The following ADGB variants were observed in gnomAD, a reference collection of about 807,000 sequenced individuals.
ADGB encodes the protein androglobin.
Under a neutral mutation model 210.5 loss-of-function variants are expected in ADGB, and 172 were observed. That is an observed-to-expected ratio of 0.82 (90% confidence interval 0.72 to 0.93). ADGB has a LOEUF of 0.93. ADGB is among the 40% of genes least tolerant of loss of function. The pLI is 0.00. For synonymous variants in ADGB, 658 were observed against 662.7 expected (o/e 0.99, Z 0.11); for missense variants, 2,025 against 1,964.8 (o/e 1.03, Z -0.58).
Position 146,799,234 on chromosome 6 carries a change from G to A in ADGB, c.4538-1949G>A, listed in dbSNP as rs367980093. On this transcript the variant is annotated intron_variant, in intron 33 of 35. Coordinates refer to ENST00000397944, the MANE Select transcript of ADGB (RefSeq NM_024694.4). ...CTAAAATCAGGAGCAAGCCAAAGATGTCCTCTCTTACCACTCTTTTTCAAC... is the reference window on the plus strand; with the variant it reads ...CTAAAATCAGGAGCAAGCCAAAGATATCCTCTCTTACCACTCTTTTTCAAC... 1.1e-3 allele frequency among the ~76,000 whole-genome samples: 172 copies of A among 152,112 alleles called. 1 individual carries two copies. Among genetic ancestry groups the A allele is most frequent in the African/African-American group, 4.0e-3 (165 of 41,480 alleles).
At chr6:146,608,345 T>C (rs1040554455) in intron 1 of ADGB, among the ~76,000 whole-genome samples, 5 of 152,076 alleles carry the variant, frequency 3.3e-5, no homozygotes, top group Non-Finnish European at 5.9e-5. Flanking sequence ...TGTTGATCTC[T>C]TGTATGGTTT....
intron 27 of ADGB, among the ~76,000 whole-genome samples, chr6:146,760,314 A>C (rs1277251184): frequency 6.6e-6 from 1 of 151,852 alleles, no homozygotes; most frequent in Non-Finnish European, 1.5e-5. Context: ...ACAATAGACT[A>C]GCTTTGCCTG....
At chr6:146,634,710 T>A (rs1775377778) in intron 1 of ADGB, among the ~76,000 whole-genome samples, 1 of 152,048 alleles carries the variant, frequency 6.6e-6, no homozygotes, top group Admixed American at 6.6e-5. Context: ...CTCATTAAAA[T>A]CTATCGTAAC....
chr6:146,691,451 TATATATA>T (rs1776318309), intron 11 of ADGB, among the ~76,000 whole-genome samples, 161 bp downstream of exon 11: 3 of 19,958 alleles, frequency 1.5e-4, no homozygotes, highest in African/African-American at 3.0e-4. Flanking sequence ...TAAAAATATA[TATATATA>T]AAAATATATA....
chr6:146,712,507 T>C lies in ADGB; in HGVS notation c.1708-2875T>C, dbSNP rs879694808. On this transcript the variant is annotated intron_variant, in intron 13 of 35. Transcript: ENST00000397944. ...AGGCCCTGGGTTGTTTTTTTTGTTC[T>C]GTTTTGTTTTGTTTTTACATGAATT... Among the ~76,000 whole-genome samples, 130 of 152,112 alleles carry C rather than the reference T, an allele frequency of 8.5e-4. 1 individual carries two copies. The highest frequency in any genetic ancestry group is 1.4e-3 in the Non-Finnish European group (98 of 67,978).
At chr6:146,791,511 T>C (rs945887553) in intron 33 of ADGB, among the ~76,000 whole-genome samples, 4 of 151,950 alleles carry the variant, frequency 2.6e-5, no homozygotes, top group Non-Finnish European at 5.9e-5. Context: ...TTCTGGTGAA[T>C]ATTTTATTTT....
At chr6:146,647,506 T>C (rs1272550899) in intron 3 of ADGB, among the ~76,000 whole-genome samples, 5 of 152,066 alleles carry the variant, frequency 3.3e-5, no homozygotes, top group Non-Finnish European at 7.4e-5. Flanking sequence ...TACATAATTT[T>C]TAGTAACTAC....
intron 33 of ADGB, among the ~76,000 whole-genome samples, chr6:146,798,705 T>C (rs1202671060): frequency 6.6e-6 from 1 of 151,374 alleles, no homozygotes; most frequent in Non-Finnish European, 1.5e-5. Context: ...ATAAGTGAGT[T>C]TGGCAGGGTC....
chr6:146,775,023 T>C (rs544470931), intron 29 of ADGB, among the ~76,000 whole-genome samples: 63 of 152,222 alleles, frequency 4.1e-4, no homozygotes, highest in African/African-American at 1.2e-3. Context: ...TCCACTCATC[T>C]CGGCCTTCCC....
intron 7 of ADGB, among the ~76,000 whole-genome samples, 166 bp downstream of exon 7, chr6:146,667,068 G>T (rs1176699324): frequency 1.3e-5 from 2 of 151,868 alleles, no homozygotes; most frequent in African/African-American, 4.8e-5. Context: ...GAATTTCAGG[G>T]TAAATTCTAT....
Position 146,715,471 on chromosome 6 carries a change from C to T in ADGB, c.1741+56C>T, listed in dbSNP as rs892229764. ...CAATGTACATCAAGATACAGAGGGGCATCTCTGCTTCTTGACAGCTTCCCT... is the reference window on the plus strand; with the variant it reads ...CAATGTACATCAAGATACAGAGGGGTATCTCTGCTTCTTGACAGCTTCCCT... On this transcript the variant is annotated intron_variant, in intron 14 of 35. Coordinates refer to ENST00000397944, the MANE Select transcript of ADGB (RefSeq NM_024694.4). The T allele has an allele frequency of 1.0e-5, 13 of 1,251,534 alleles. No individual in the cohort carries two copies. In the East Asian group the frequency reaches 3.5e-4, roughly 33 times the overall value. The allele number at this position is 1,251,534 out of a possible 1,614,324, so 77.5% of individuals were successfully genotyped here.
Position 146,635,484 on chromosome 6 carries a change from G to A in ADGB, c.184G>A (p.Asp62Asn), listed in dbSNP as rs1775404487. ...AGCTGACATAAATTCAGAAAAGTGG[G>A]ATGCAGGCAAAGGTGCAAAAGAAAA... is the stretch of plus-strand genomic sequence containing the variant. ...SEADINSEKWDAGKGAKEKDK... is the reference protein window; with the variant it reads ...SEADINSEKWNAGKGAKEKDK... The change falls in exon 2 of 36, where the codon GAT (aspartate) becomes AAT (asparagine). Residue 62 changes from aspartate (D) to asparagine (N), a missense_variant. Asp to Asn is a conservative substitution (Grantham distance 23, BLOSUM62 1). Coordinates refer to ENST00000397944, the MANE Select transcript of ADGB (RefSeq NM_024694.4). 1 of 1,548,494 alleles carries A rather than the reference G, an allele frequency of 6.5e-7. No homozygotes were observed. The highest frequency in any genetic ancestry group is 8.7e-7 in the Non-Finnish European group (1 of 1,145,208).
intron 35 of ADGB, among the ~76,000 whole-genome samples, chr6:146,805,665 A>C (rs1236909703): frequency 6.6e-6 from 1 of 151,802 alleles, no homozygotes; most frequent in Admixed American, 6.6e-5. Flanking sequence ...TGGGCCTTTG[A>C]CCTCACTCCT....
chr6:146,783,676 G>C (rs1777832962), intron 30 of ADGB, among the ~76,000 whole-genome samples: 1 of 152,174 alleles, frequency 6.6e-6, no homozygotes. Flanking sequence ...GGTGGAAACT[G>C]TATTCAGTGA....
intron 5 of ADGB, among the ~76,000 whole-genome samples, chr6:146,661,222 T>TTA (rs1491006377): frequency 1.8e-5 from 1 of 54,898 alleles, no homozygotes; most frequent in Non-Finnish European, 3.4e-5. Flanking sequence ...CTTTTTTTCT[T>TTA]TTTTTTTTTT....
At chr6:146,622,690 T>C (rs2114844716) in intron 1 of ADGB, among the ~76,000 whole-genome samples, 1 of 152,230 alleles carries the variant, frequency 6.6e-6, no homozygotes, top group Middle Eastern at 3.4e-3. Context: ...TTTTATTCTA[T>C]TAATAGTGTC....
At chr6:146,688,739 G>A (rs1776265333) in intron 10 of ADGB, among the ~76,000 whole-genome samples, 1 of 152,106 alleles carries the variant, frequency 6.6e-6, no homozygotes, top group Non-Finnish European at 1.5e-5. Flanking sequence ...TCCTGTGAGG[G>A]TGATCTGGTT....
At chr6:146,626,275 T>G (rs924300358) in intron 1 of ADGB, among the ~76,000 whole-genome samples, 3 of 152,032 alleles carry the variant, frequency 2.0e-5, no homozygotes, top group Non-Finnish European at 4.4e-5. Context: ...CATCATCCGT[T>G]TATGTAAGCA....
intron 23 of ADGB, among the ~76,000 whole-genome samples, chr6:146,736,869 A>C (rs1293245369): frequency 6.6e-6 from 1 of 152,200 alleles, no homozygotes; most frequent in Admixed American, 6.5e-5. Context: ...CAAAAATTAA[A>C]GTTTAGGACC....
Sources: gnomAD v4.1 joint callset for allele counts (sites outside exome capture counted in the v4.1 genomes callset) on GRCh38, gnomAD v4.1.1 for gene constraint, MANE v1.5 for transcripts, NCBI Gene and HGNC (gene_info 2026-07-23, HGNC 2026-07-21) for gene names.